LRRK2: variants seen among roughly 807,000 people sequenced by gnomAD.
The protein encoded by LRRK2 is leucine rich repeat kinase 2.
Under a neutral mutation model 302.6 loss-of-function variants are expected in LRRK2, and 203 were observed. That is an observed-to-expected ratio of 0.67 (90% CI 0.60 to 0.75). The LOEUF (loss-of-function observed/expected upper bound fraction) is 0.75, where lower values mean the gene tolerates loss of function less well. Among genes scored for constraint, LRRK2 ranks in the 30% least tolerant of loss-of-function variants. The pLI, the probability that LRRK2 is intolerant of heterozygous loss-of-function variation, is 0.00. For synonymous variants in LRRK2, 1,066 were observed against 1,031.9 expected (o/e 1.03, Z -0.63); for missense variants, 2,830 against 2,951.0 (o/e 0.96, Z 0.95).
At chr12:40,232,551 A>G (rs2136397184) in intron 3 of LRRK2, 168 bp downstream of exon 3, 2 of 583,922 alleles carry the variant, frequency 3.4e-6, no homozygotes, top group East Asian at 5.6e-5. Flanking sequence ...AGAGCTTTAA[A>G]CTCAGAAGTT....
chr12:40,325,548 T>C (rs1029928638), intron 38 of LRRK2, among the ~76,000 whole-genome samples: 1 of 152,220 alleles, frequency 6.6e-6, no homozygotes, highest in Non-Finnish European at 1.5e-5. Flanking sequence ...ATGTCAGTAG[T>C]ATCTCCCCTT....
intron 18 of LRRK2, among the ~76,000 whole-genome samples, chr12:40,281,076 A>AC (rs1405430983): frequency 1.3e-5 from 2 of 151,694 alleles, no homozygotes; most frequent in East Asian, 1.9e-4. Flanking sequence ...TCAAAAAAAA[A>AC]AAAAACAAAA....
At chr12:40,316,789 G>C (rs947829010) in intron 33 of LRRK2, among the ~76,000 whole-genome samples, 2 of 152,038 alleles carry the variant, frequency 1.3e-5, no homozygotes, top group African/African-American at 2.4e-5. Flanking sequence ...AGTGTGTCAT[G>C]TATGGGGACA....
chr12:40,320,883 T>C (rs1267517178), intron 34 of LRRK2, 151 bp from the exon 35 acceptor site: 1 of 920,464 alleles, frequency 1.1e-6, no homozygotes, highest in Non-Finnish European at 1.7e-6. Flanking sequence ...GAATTTTTGG[T>C]GTAGGAAAAA....
intron 12 of LRRK2, among the ~76,000 whole-genome samples, chr12:40,257,771 A>C (rs964916907): frequency 7.2e-5 from 11 of 152,190 alleles, no homozygotes; most frequent in African/African-American, 2.7e-4. Flanking sequence ...CATCTGAATG[A>C]ACTTTGTCTT....
chr12:40,274,727 G>A lies in LRRK2; in HGVS notation c.1801G>A (p.Glu601Lys). The A allele has an allele frequency of 6.2e-7, 1 of 1,613,990 alleles. No homozygotes were observed. Among genetic ancestry groups the A allele is most frequent in the Non-Finnish European group, 8.5e-7 (1 of 1,179,934 alleles). The stretch of plus-strand genomic sequence containing the variant: ...ACTGCAGATGTATCCAGATGACCAA[G>A]GTCAGTACAATTTGAATTCAGGATT... Reference protein sequence around the residue: ...HTLQMYPDDQEIQCLGLSLIG... With the variant: ...HTLQMYPDDQKIQCLGLSLIG... Residue 601 changes from glutamate to lysine, a missense_variant and splice_region_variant, in exon 15 of 51, where the codon GAA becomes AAA. By Grantham distance (56) the Glu-to-Lys change is moderately conservative. Coordinates refer to ENST00000298910, the MANE Select transcript of LRRK2 (RefSeq NM_198578.4).
intron 47 of LRRK2, among the ~76,000 whole-genome samples, chr12:40,362,519 C>T (rs17444202): frequency 0.14 from 21,171 of 151,856 alleles, 1,642 homozygotes; most frequent in South Asian, 0.2. Flanking sequence ...TGTCCTCATC[C>T]TTATGAAATT....
chr12:40,351,181 T>A (rs1946340181), intron 43 of LRRK2, among the ~76,000 whole-genome samples: 1 of 152,198 alleles, frequency 6.6e-6, no homozygotes, highest in Non-Finnish European at 1.5e-5. Context: ...CTCAACTAAA[T>A]TGTTGGCCCA....
chr12:40,225,693 C>T, intron 2 of LRRK2, 53 bp downstream of exon 2: 1 of 1,467,400 alleles, frequency 6.8e-7, no homozygotes, highest in South Asian at 1.2e-5. Context: ...TGGAAGGAGA[C>T]GTTTTACTGG....
At chr12:40,351,192 A>G (rs1319832375) in intron 43 of LRRK2, among the ~76,000 whole-genome samples, 1 of 152,188 alleles carries the variant, frequency 6.6e-6, no homozygotes, top group East Asian at 1.9e-4. Context: ...TGTTGGCCCA[A>G]GGGTTTTTCT....
intron 44 of LRRK2, among the ~76,000 whole-genome samples, chr12:40,353,317 G>T: frequency 7.3e-6 from 1 of 137,452 alleles, no homozygotes; most frequent in African/African-American, 2.7e-5. Flanking sequence ...AGGGCGGCCA[G>T]GCAGAGATGC....
chr12:40,281,388 T>C (rs1167657775), intron 18 of LRRK2, among the ~76,000 whole-genome samples: 2 of 152,208 alleles, frequency 1.3e-5, no homozygotes, highest in Admixed American at 1.3e-4. Flanking sequence ...GTAGTGGTGG[T>C]AGTGGTGTTC....
At chr12:40,352,669 G>T (rs1372021742) in intron 44 of LRRK2, among the ~76,000 whole-genome samples, 1 of 148,222 alleles carries the variant, frequency 6.7e-6, no homozygotes, top group Admixed American at 6.8e-5. Context: ...GACTCTTAAC[G>T]AGCATGCTGC....
At position 40,308,613 on chromosome 12, in the gene LRRK2, T is replaced by G; in HGVS notation, c.4106T>G (p.Val1369Gly). The stretch of plus-strand genomic sequence containing the variant: ...GATCTTGGAATGCAAAGTGCCACAG[T>G]TGGCATAGATGTGAAAGACTGGCCT... ...KSDLGMQSAT[V>G]GIDVKDWPIQ... Residue 1369 changes from valine (V) to glycine (G), a missense_variant, in exon 29 of 51, where the codon GTT becomes GGT. Physicochemically the swap from Val to Gly is moderately radical, Grantham distance 109. Coordinates refer to ENST00000298910, the MANE Select transcript of LRRK2 (RefSeq NM_198578.4). 6.2e-7 allele frequency: 1 copy of G among 1,614,054 alleles called. No homozygotes were observed. The highest frequency in any genetic ancestry group is 8.5e-7 in the Non-Finnish European group (1 of 1,179,966).
chr12:40,252,786 AG>A (rs1942332131), intron 10 of LRRK2, 123 bp from the exon 11 acceptor site: 1 of 685,406 alleles, frequency 1.5e-6, no homozygotes, highest in African/African-American at 1.8e-5. Context: ...TTGTAAGTGG[AG>A]GTGGCATGAA....
In LRRK2 at chr12:40,225,091, G is replaced by C; in HGVS notation, c.-41G>C. The C allele has an allele frequency of 6.2e-7, 1 of 1,611,948 alleles. No homozygotes were observed. Among genetic ancestry groups the C allele is most frequent in the Non-Finnish European group, 8.5e-7 (1 of 1,179,680 alleles). ...CCTGCCGGTTCCCTGAGCAGCGGACGTTCATGCTGGGAGGGCGGCGGGTTG... is the reference window on the plus strand; with the variant it reads ...CCTGCCGGTTCCCTGAGCAGCGGACCTTCATGCTGGGAGGGCGGCGGGTTG... On this transcript the variant is annotated 5_prime_UTR_variant, in exon 1 of 51. Transcript: ENST00000298910.
At position 40,355,065 on chromosome 12, in the gene LRRK2, G is replaced by A. The variant is rs1946484881; in HGVS notation, c.6770+573G>A. On this transcript the variant is annotated intron_variant, in intron 45 of 50. Transcript: ENST00000298910. ...GTAGGTTGGTGACTGTAATATTTGG[G>A]GCAGGATGATTTCCAGGAGGCATTA... Among the ~76,000 whole-genome samples, 2 of 152,068 alleles carry A rather than the reference G, an allele frequency of 1.3e-5. 1 individual carries two copies. The highest frequency in any genetic ancestry group is 4.1e-4 in the South Asian group (2 of 4,834).
chr12:40,225,116 G>A lies in LRRK2; in HGVS notation c.-16G>A, dbSNP rs1484026280. 2 of 1,613,306 alleles carry A rather than the reference G, an allele frequency of 1.2e-6. No individual in the cohort carries two copies. Among genetic ancestry groups the A allele is most frequent in the Non-Finnish European group, 1.7e-6 (2 of 1,179,982 alleles). ...GTTCATGCTGGGAGGGCGGCGGGTT[G>A]GAAGCAGGTGCCACCATGGCTAGTG... On this transcript the variant is annotated 5_prime_UTR_variant, in exon 1 of 51. Transcript: ENST00000298910.
intron 2 of LRRK2, among the ~76,000 whole-genome samples, chr12:40,228,609 C>A (rs1234383719): frequency 2.0e-5 from 3 of 151,840 alleles, no homozygotes; most frequent in Non-Finnish European, 4.4e-5. Flanking sequence ...TTGATATAAT[C>A]CCATTTGCCT....
Sources: gnomAD v4.1 joint callset for allele counts (sites outside exome capture counted in the v4.1 genomes callset) on GRCh38, gnomAD v4.1.1 for gene constraint, MANE v1.5 for transcripts, NCBI Gene and HGNC (gene_info 2026-07-23, HGNC 2026-07-21) for gene names.